MYO5B: variants seen among roughly 807,000 people sequenced by gnomAD.
The protein encoded by MYO5B is myosin VB, also known as unconventional myosin-Vb.
Under a neutral mutation model 229.3 loss-of-function variants are expected in MYO5B, and 143 were observed. That is an observed-to-expected ratio of 0.62 (90% CI 0.54 to 0.72). MYO5B has a LOEUF of 0.72. Among genes scored for constraint, MYO5B ranks in the 30% least tolerant of loss-of-function variants. The pLI is 0.00. For missense variants in MYO5B, 2,321 were observed against 2,331.0 expected (o/e 1.00, Z 0.09); for synonymous variants, 918 against 885.2 (o/e 1.04, Z -0.66).
intron 17 of MYO5B, among the ~76,000 whole-genome samples, chr18:49,915,265 CA>C (rs2025000361): frequency 6.6e-6 from 1 of 152,092 alleles, no homozygotes; most frequent in South Asian, 2.1e-4. Flanking sequence ...CGAAGTTGTG[CA>C]ACTATCACAC....
At chr18:50,024,649 G>A (rs972705950) in intron 4 of MYO5B, among the ~76,000 whole-genome samples, 1 of 152,154 alleles carries the variant, frequency 6.6e-6, no homozygotes, top group African/African-American at 2.4e-5. Context: ...AATAGGGGCA[G>A]GAGCCAGGAA....
intron 5 of MYO5B, among the ~76,000 whole-genome samples, chr18:49,999,956 A>G (rs1468624182): frequency 1.3e-5 from 2 of 152,240 alleles, no homozygotes; most frequent in Non-Finnish European, 2.9e-5. Context: ...TGTATTCACC[A>G]TTTCCCAAAT....
intron 1 of MYO5B, among the ~76,000 whole-genome samples, chr18:50,075,670 T>C (rs2031062391): frequency 6.6e-6 from 1 of 152,172 alleles, no homozygotes; most frequent in African/African-American, 2.4e-5. Flanking sequence ...TTTAGGCTTC[T>C]AGATTCAAAG....
intron 14 of MYO5B, among the ~76,000 whole-genome samples, chr18:49,949,845 G>T (rs1389573577): frequency 2.6e-5 from 4 of 152,108 alleles, no homozygotes; most frequent in Non-Finnish European, 5.9e-5. Context: ...TATGGAGTTA[G>T]AAACATATGC....
At chr18:50,101,485 T>A (rs2031654201) in intron 1 of MYO5B, among the ~76,000 whole-genome samples, 1 of 152,170 alleles carries the variant, frequency 6.6e-6, no homozygotes, top group African/African-American at 2.4e-5. Flanking sequence ...GAGAAAATTT[T>A]TGCAATCTAC....
At chr18:49,878,863 A>G (rs1260652921) in intron 24 of MYO5B, 82 bp downstream of exon 24, 4 of 1,507,296 alleles carry the variant, frequency 2.7e-6, no homozygotes, top group Admixed American at 1.7e-5. Flanking sequence ...CATATCAGAA[A>G]GCAGTGCCTG....
chr18:49,937,241 T>C lies in MYO5B; in HGVS notation c.1905+4A>G. 6.2e-7 allele frequency: 1 copy of C among 1,614,078 alleles called. No individual in the cohort carries two copies. Among genetic ancestry groups the C allele is most frequent in the Non-Finnish European group, 8.5e-7 (1 of 1,179,934 alleles). ...CAGCCCATAGCTTTTGGTCCGGGGC[T>C]GACCTGGTGGCCAACGGTTTTCTTG... On this transcript the variant is annotated splice_donor_region_variant and intron_variant, in intron 15 of 39. Transcript: ENST00000285039.
intron 31 of MYO5B, 73 bp from the exon 32 acceptor site, chr18:49,849,733 C>T (rs490648): frequency 8.1e-6 from 10 of 1,228,152 alleles, no homozygotes; most frequent in Non-Finnish European, 1.2e-5. Flanking sequence ...ATCCTGCTTG[C>T]AGTTGGAGGT....
At chr18:50,177,419 C>G (rs1466026105) in intron 1 of MYO5B, among the ~76,000 whole-genome samples, 2 of 152,122 alleles carry the variant, frequency 1.3e-5, no homozygotes, top group Admixed American at 1.3e-4. Context: ...TTATATACTC[C>G]CGTCTTTGCC....
intron 3 of MYO5B, among the ~76,000 whole-genome samples, chr18:50,039,480 C>T (rs1246815501): frequency 6.6e-6 from 1 of 151,856 alleles, no homozygotes; most frequent in Non-Finnish European, 1.5e-5. Context: ...TACAGGCGCC[C>T]GCCACCACAC....
intron 1 of MYO5B, among the ~76,000 whole-genome samples, chr18:50,122,858 C>T (rs957187064): frequency 1.3e-5 from 2 of 151,698 alleles, no homozygotes; most frequent in South Asian, 2.1e-4. Flanking sequence ...CCTCAGACAT[C>T]GACTGCTGAT....
At chr18:50,105,635 C>CT (rs572686430) in intron 1 of MYO5B, among the ~76,000 whole-genome samples, 94 of 145,930 alleles carry the variant, frequency 6.4e-4, no homozygotes, top group Middle Eastern at 3.5e-3. Flanking sequence ...GGGTGCATTT[C>CT]TTTTTTTTTT....
intron 4 of MYO5B, among the ~76,000 whole-genome samples, chr18:50,014,278 G>GAAA (rs374397757): frequency 0.063 from 3,482 of 55,406 alleles, 67 homozygotes; most frequent in Non-Finnish European, 0.12. Context: ...GATGAGAAAG[G>GAAA]AAAAAAAAAA....
intron 9 of MYO5B, among the ~76,000 whole-genome samples, chr18:49,978,442 C>T (rs547366219): frequency 2.4e-4 from 37 of 152,138 alleles, no homozygotes; most frequent in African/African-American, 8.4e-4. Context: ...TAGGTGTCCA[C>T]GGACTCCCCA....
intron 1 of MYO5B, among the ~76,000 whole-genome samples, chr18:50,174,646 G>C (rs1255209418): frequency 1.3e-5 from 2 of 152,118 alleles, no homozygotes; most frequent in Non-Finnish European, 2.9e-5. Context: ...TTTCTGAAGG[G>C]GAAAAGCAGA....
chr18:50,154,184 G>C (rs1197830908), intron 1 of MYO5B, among the ~76,000 whole-genome samples: 1 of 152,196 alleles, frequency 6.6e-6, no homozygotes, highest in Non-Finnish European at 1.5e-5. Flanking sequence ...CTCTGAGAAA[G>C]AAAGAAGGAT....
intron 14 of MYO5B, among the ~76,000 whole-genome samples, chr18:49,949,307 CAATA>C (rs2025407677): frequency 6.8e-6 from 1 of 146,702 alleles, no homozygotes; most frequent in Admixed American, 6.9e-5. Flanking sequence ...TTCCTTTTCA[CAATA>C]AATAAAAACT....
intron 1 of MYO5B, among the ~76,000 whole-genome samples, chr18:50,193,713 A>C (rs550936175): frequency 5.3e-5 from 8 of 152,370 alleles, no homozygotes; most frequent in East Asian, 1.9e-4. Flanking sequence ...CCACCCAAGA[A>C]GACGAACAGG....
chr18:49,962,568 G>A (rs746025324), intron 11 of MYO5B, among the ~76,000 whole-genome samples, 162 bp from the exon 12 acceptor site: 1 of 152,202 alleles, frequency 6.6e-6, no homozygotes, highest in Non-Finnish European at 1.5e-5. Flanking sequence ...GCAAAGCACA[G>A]TTAGGCGATT....
Sources: allele counts gnomAD v4.1 joint callset (sites outside exome capture counted in the v4.1 genomes callset), GRCh38; gene constraint gnomAD v4.1.1; transcripts MANE v1.5; gene names NCBI Gene and HGNC (gene_info 2026-07-23, HGNC 2026-07-21).